The following LMNB2 variants were observed in gnomAD, a reference collection of about 807,000 sequenced individuals.
LMNB2 encodes lamin-B2.
LMNB2 carries 17 observed loss-of-function variants against 69.3 expected under a neutral mutation model. The ratio of observed to expected loss-of-function variants is 0.25; its 90% CI spans 0.17 to 0.37. LMNB2 has a LOEUF of 0.37. Among genes scored for constraint, LMNB2 ranks in the 10% least tolerant of loss-of-function variants. The pLI is 1.00. For missense variants in LMNB2, 789 were observed against 883.6 expected (o/e 0.89, Z 1.36); for synonymous variants, 397 against 389.3 (o/e 1.02, Z -0.23).
At chr19:2,455,746 G>C (rs757044878) in intron 1 of LMNB2, among the ~76,000 whole-genome samples, 7 of 151,512 alleles carry the variant, frequency 4.6e-5, no homozygotes, top group Non-Finnish European at 8.8e-5. Context: ...CCTCCCAAGG[G>C]GTCCCCCAAG....
intron 4 of LMNB2, 31 bp downstream of exon 4, chr19:2,438,132 T>C (rs754500014): frequency 7.4e-6 from 12 of 1,612,652 alleles, no homozygotes; most frequent in Non-Finnish European, 3.4e-6. Flanking sequence ...GTTTCCGCTG[T>C]GCCAGGCTGG....
intron 3 of LMNB2, 26 bp from the exon 4 acceptor site, chr19:2,438,314 G>T (rs775116967): frequency 6.2e-7 from 1 of 1,613,804 alleles, no homozygotes; most frequent in South Asian, 1.1e-5. Flanking sequence ...CAGCGAGCTG[G>T]TGTGACAATC....
At chr19:2,446,749 G>A (rs1374303774) in intron 1 of LMNB2, among the ~76,000 whole-genome samples, 1 of 152,072 alleles carries the variant, frequency 6.6e-6, no homozygotes, top group Non-Finnish European at 1.5e-5. Context: ...ACAGTCCAGG[G>A]GCTCCCCCAA....
At chr19:2,432,152 C>A (rs1004839826) in intron 9 of LMNB2, among the ~76,000 whole-genome samples, 1 of 152,122 alleles carries the variant, frequency 6.6e-6, no homozygotes, top group Admixed American at 6.5e-5. Context: ...ATGGCCCATG[C>A]GCCTGACTGT....
At chr19:2,431,414 G>A in intron 11 of LMNB2, 134 bp downstream of exon 11, 3 of 1,150,558 alleles carry the variant, frequency 2.6e-6, no homozygotes, top group Non-Finnish European at 3.9e-6. Context: ...GCCAAGGCTG[G>A]CTTCACCCTG....
rs765211530 is a variant in LMNB2 at position 2,438,428 on chromosome 19, C to T, written c.505G>A (p.Asp169Asn). 1.2e-5 allele frequency: 20 copies of T among 1,612,552 alleles called. No homozygotes were observed. The highest frequency in any genetic ancestry group is 1.7e-5 in the Admixed American group (1 of 59,978). ...ACGTCACTCTCCAGGCCGCGCTTGT[C>T]GCTGAGGGCAGCTGCCAGCTCCACC... ...SEVELAAALS[D>N]KRGLESDVAE... Residue 169 changes from aspartate (D) to asparagine (N), a missense_variant, in exon 3 of 12, where the codon GAC (aspartate) becomes AAC (asparagine). This residue lies in a region of LMNB2 where 145 missense variants were observed against 228.9 expected (regional missense o/e 0.63). Coordinates refer to ENST00000325327, the MANE Select transcript of LMNB2 (RefSeq NM_032737.4).
At chr19:2,442,751 G>A (rs117497630) in intron 2 of LMNB2, among the ~76,000 whole-genome samples, 2,152 of 152,180 alleles carry the variant, frequency 0.014, 22 homozygotes, top group Middle Eastern at 0.044. Flanking sequence ...TTAATGAAAA[G>A]GAAAAGACGG....
intron 2 of LMNB2, among the ~76,000 whole-genome samples, chr19:2,440,646 CAT>C (rs948820948): frequency 1.3e-5 from 2 of 151,754 alleles, no homozygotes; most frequent in African/African-American, 4.8e-5. Flanking sequence ...CTCATCCATC[CAT>C]CATCTATCCA....
At chr19:2,452,603 G>A (rs1389474781) in intron 1 of LMNB2, among the ~76,000 whole-genome samples, 1 of 151,892 alleles carries the variant, frequency 6.6e-6, no homozygotes, top group Non-Finnish European at 1.5e-5. Flanking sequence ...GTACACGCCT[G>A]TAATCCCAGC....
At position 2,456,920 on chromosome 19, in the gene LMNB2, C is replaced by A. The variant is rs933753487; in HGVS notation, c.14G>T (p.Ser5Ile). 3.4e-5 allele frequency: 34 copies of A among 994,628 alleles called. No homozygotes were observed. Among genetic ancestry groups the A allele is most frequent in the Non-Finnish European group, 3.7e-5 (31 of 837,896 alleles). 61.6% of individuals were successfully genotyped at this position (994,628 alleles called of 1,614,324 possible). A position where few individuals can be genotyped will look rare whatever the true frequency, so the allele number is the denominator to read the frequency against. ...GCGCTGCTCCCGACGGCGGCCCGGG[C>A]TCGGCGGGCTCATTCAATCCGCGCC... MSPP[S>I]PGRRREQRRP... The change falls in exon 1 of 12, where the codon AGC becomes ATC. Residue 5 changes from serine to isoleucine, a missense_variant. Physicochemically the swap from Ser to Ile is moderately radical, Grantham distance 142. Around this residue, in one of 3 missense-constraint regions of LMNB2, gnomAD observed 35 missense variants for 23.9 expected, o/e 1.47. Coordinates refer to ENST00000325327, the MANE Select transcript of LMNB2 (RefSeq NM_032737.4).
Position 2,438,022 on chromosome 19 carries a change from C to T in LMNB2, c.684+141G>A, listed in dbSNP as rs1338982455. ...AGACGCAGCCGAAGCCAAGGGCACC[C>T]TAAGAGGCAGGAAGGAGCCTCCCTA... On this transcript the variant is annotated intron_variant, in intron 4 of 11. Coordinates refer to ENST00000325327, the MANE Select transcript of LMNB2 (RefSeq NM_032737.4). 5.4e-6 allele frequency: 7 copies of T among 1,284,952 alleles called. No individual in the cohort carries two copies. The East Asian group carries it at 1.6e-4, about 30-fold the overall frequency. The allele number at this position is 1,284,952 out of a possible 1,614,324, so 79.6% of individuals were successfully genotyped here.
Position 2,438,445 on chromosome 19 carries a change from A to C in LMNB2, c.488T>G (p.Leu163Arg), listed in dbSNP as rs1299209690. 1 of 1,612,314 alleles carries C rather than the reference A, an allele frequency of 6.2e-7. No individual in the cohort carries two copies. Among genetic ancestry groups the C allele is most frequent in the Non-Finnish European group, 8.5e-7 (1 of 1,179,876 alleles). ...GCGCTTGTCGCTGAGGGCAGCTGCC[A>C]GCTCCACCTCGCTCCGGTGGAACAG... ...ESLFHRSEVE[L>R]AAALSDKRGL... Residue 163 changes from leucine (L) to arginine (R), a missense_variant, in exon 3 of 12, where the codon CTG (leucine) becomes CGG (arginine). Physicochemically the swap from Leu to Arg is moderately radical, Grantham distance 102. Transcript: ENST00000325327.
At chr19:2,442,608 G>A (rs1478020764) in intron 2 of LMNB2, among the ~76,000 whole-genome samples, 3 of 152,130 alleles carry the variant, frequency 2.0e-5, no homozygotes, top group Non-Finnish European at 2.9e-5. Context: ...TTAGTTGGGT[G>A]TAGTGGTGCA....
rs182257812 is a variant in LMNB2, at chr19:2,447,608, G to C, written c.265-3068C>G. 2.0e-5 allele frequency among the ~76,000 whole-genome samples: 3 copies of C among 152,320 alleles called. No individual in the cohort carries two copies. The highest frequency in any genetic ancestry group is 2.0e-4 in the Admixed American group (3 of 15,298). On this transcript the variant is annotated intron_variant, in intron 1 of 11. Transcript: ENST00000325327. This position sits in a 1 kb window ranked among gnomAD's most constrained non-coding sequence, Gnocchi z 4.4. ...GGCGCTGAGGAAAAGGAGGACCGGA[G>C]GATGGTAGGCGGAACCAGGCCCAGC...
chr19:2,448,251 G>A (rs1344748197), intron 1 of LMNB2, among the ~76,000 whole-genome samples: 1 of 152,196 alleles, frequency 6.6e-6, no homozygotes, highest in Non-Finnish European at 1.5e-5. Context: ...CAGGCATGGT[G>A]GTGTCTGCCT....
chr19:2,444,639 A>G, intron 1 of LMNB2, 99 bp from the exon 2 acceptor site: 2 of 1,481,582 alleles, frequency 1.3e-6, no homozygotes, highest in Middle Eastern at 1.7e-4. Flanking sequence ...ATTCCCAGGG[A>G]CTGGCACGCA....
rs997847955 is a variant in LMNB2 at position 2,456,676 on chromosome 19, C to T, written c.258G>A (p.Thr86=). 6 of 1,539,830 alleles carry T rather than the reference C, an allele frequency of 3.9e-6. No homozygotes were observed. The African/African-American group carries it at 7.2e-5, about 18-fold the overall frequency. ...LKISEKEEVT[T]REVSGIKALY... is the part of the protein sequence containing the mutation. ...CCTAAGCCCCGGCGCCCACCTCGCG[C>T]GTGGTCACCTCCTCCTTCTCTGAGA... Residue 86 remains threonine, a synonymous_variant, in exon 1 of 12, where the codon ACG becomes ACA. Transcript: ENST00000325327.
At chr19:2,450,841 A>T (rs1270830961) in intron 1 of LMNB2, among the ~76,000 whole-genome samples, 1 of 150,958 alleles carries the variant, frequency 6.6e-6, no homozygotes, top group East Asian at 2.1e-4. Context: ...CATGTTGGCC[A>T]GGCTGGTTTC....
In LMNB2 at chr19:2,456,652, C is replaced by G; in HGVS notation, c.264+18G>C. ...TGCCGGCTGCACCCCCGCCCGGCCC[C>G]TAAGCCCCGGCGCCCACCTCGCGCG... On this transcript the variant is annotated intron_variant, in intron 1 of 11. Transcript: ENST00000325327. 1 of 1,494,116 alleles carries G rather than the reference C, an allele frequency of 6.7e-7. No individual in the cohort carries two copies. 92.6% of individuals were successfully genotyped at this position (1,494,116 alleles called of 1,614,324 possible). A position where few individuals can be genotyped will look rare whatever the true frequency, so the allele number is the denominator to read the frequency against.
Sources: gnomAD v4.1 joint callset for allele counts (sites outside exome capture counted in the v4.1 genomes callset) on GRCh38, gnomAD v4.1.1 for gene constraint, gnomAD v4.1.1 regional missense constraint, Gnocchi (gnomAD v3.1) non-coding constraint, MANE v1.5 for transcripts, NCBI Gene and HGNC (gene_info 2026-07-23, HGNC 2026-07-21) for gene names.